The following ADAMTSL1 variants were observed in gnomAD, a reference collection of about 807,000 sequenced individuals.
ADAMTSL1 encodes the protein ADAMTS-like protein 1.
In ADAMTSL1, 126 loss-of-function variants were observed where a neutral mutation model predicts 201.8. The ratio of observed to expected loss-of-function variants is 0.62; its 90% CI spans 0.54 to 0.72. The LOEUF (loss-of-function observed/expected upper bound fraction) is 0.72, where lower values mean the gene tolerates loss of function less well. Ranked by LOEUF, ADAMTSL1 falls within the 30% of genes least tolerant of loss-of-function variation. The pLI is 0.00. For synonymous variants in ADAMTSL1, 1,121 were observed against 903.4 expected (o/e 1.24, Z -4.32); for missense variants, 2,679 against 2,277.8 (o/e 1.18, Z -3.59).
chr9:17,940,802 A>ACCCCCC (rs60278506), intron 1 of ADAMTSL1, among the ~76,000 whole-genome samples: 5 of 50,790 alleles, frequency 9.8e-5, no homozygotes, highest in African/African-American at 1.4e-4. Flanking sequence ...AGTAAATAAC[A>ACCCCCC]CCCCCCCCCC....
At chr9:17,946,822 C>T (rs1264226832) in intron 1 of ADAMTSL1, among the ~76,000 whole-genome samples, 2 of 152,050 alleles carry the variant, frequency 1.3e-5, no homozygotes, top group Admixed American at 1.3e-4. Context: ...TTGCAATTTG[C>T]TAAAAGCTTT....
intron 23 of ADAMTSL1, among the ~76,000 whole-genome samples, chr9:18,868,684 A>T (rs574700759): frequency 6.6e-6 from 1 of 152,316 alleles, no homozygotes; most frequent in African/African-American, 2.4e-5. Context: ...GCAGATTTTA[A>T]CCTGATGCAC....
chr9:18,804,037 G>C (rs924647739), intron 20 of ADAMTSL1, among the ~76,000 whole-genome samples: 1 of 152,156 alleles, frequency 6.6e-6, no homozygotes, highest in African/African-American at 2.4e-5. Flanking sequence ...AAGCAGAATA[G>C]GACTATGAAC....
At chr9:18,785,608 C>T (rs1217944973) in intron 19 of ADAMTSL1, among the ~76,000 whole-genome samples, 1 of 152,162 alleles carries the variant, frequency 6.6e-6, no homozygotes, top group Admixed American at 6.5e-5. Flanking sequence ...TTCAGTCATT[C>T]TATATAAACA....
intron 1 of ADAMTSL1, among the ~76,000 whole-genome samples, chr9:18,033,281 T>G (rs1465548166): frequency 2.0e-5 from 3 of 152,202 alleles, no homozygotes; most frequent in African/African-American, 4.8e-5. Flanking sequence ...AAGTCTGTCA[T>G]CTAATGGGTG....
chr9:18,116,486 T>C (rs906192467), intron 1 of ADAMTSL1, among the ~76,000 whole-genome samples: 1 of 152,160 alleles, frequency 6.6e-6, no homozygotes, highest in African/African-American at 2.4e-5. Context: ...TGCACACATA[T>C]TTGCCTGTCA....
chr9:18,000,152 T>A (rs1477212051), intron 1 of ADAMTSL1, among the ~76,000 whole-genome samples: 7 of 150,734 alleles, frequency 4.6e-5, no homozygotes, highest in Non-Finnish European at 8.9e-5. Flanking sequence ...ATGGTATTTC[T>A]AGTTCTAGAT....
chr9:18,120,527 G>C (rs1016184955), intron 1 of ADAMTSL1, among the ~76,000 whole-genome samples: 3 of 152,118 alleles, frequency 2.0e-5, no homozygotes, highest in African/African-American at 4.8e-5. Context: ...CCCTTTTTAT[G>C]AATTAGGCTG....
Position 18,588,868 on chromosome 9 carries a change from C to CAT in ADAMTSL1, c.474+14610_474+14611dup, listed in dbSNP as rs1554710706. On this transcript the variant is annotated intron_variant, in intron 4 of 28. Coordinates refer to ENST00000380548, the MANE Select transcript of ADAMTSL1 (RefSeq NM_001040272.6). The stretch of plus-strand genomic sequence containing the variant: ...TGTTGGGGTTACTATAGCTTTGTGC[C>CAT]ATATATATACATATACATATATATA... 8.8e-5 allele frequency among the ~76,000 whole-genome samples: 10 copies of CAT among 113,730 alleles called. No individual in the cohort carries two copies. The East Asian group carries it at 2.2e-3, about 25-fold the overall frequency. The allele number at this position is 113,730 out of a possible 152,430, so 74.6% of individuals were successfully genotyped here.
At chr9:18,576,811 G>A (rs574684861) in intron 4 of ADAMTSL1, among the ~76,000 whole-genome samples, 1 of 151,976 alleles carries the variant, frequency 6.6e-6, no homozygotes, top group Non-Finnish European at 1.5e-5. Context: ...AGTGACTACC[G>A]TATCTAGGTA....
chr9:18,845,905 G>A (rs1826075367), intron 23 of ADAMTSL1, among the ~76,000 whole-genome samples: 1 of 152,164 alleles, frequency 6.6e-6, no homozygotes, highest in South Asian at 2.1e-4. Flanking sequence ...CTCAAAGTAG[G>A]AGCGTATATG....
intron 1 of ADAMTSL1, among the ~76,000 whole-genome samples, chr9:18,105,186 C>T (rs1049609328): frequency 5.3e-5 from 8 of 152,208 alleles, no homozygotes; most frequent in Non-Finnish European, 8.8e-5. Context: ...GTAAAACAAG[C>T]GAACTGGAAT....
chr9:17,929,316 C>T (rs961495069), intron 1 of ADAMTSL1, among the ~76,000 whole-genome samples: 1 of 151,994 alleles, frequency 6.6e-6, no homozygotes, highest in South Asian at 2.1e-4. Flanking sequence ...TATCCTAATC[C>T]ACTCCCCCAC....
intron 19 of ADAMTSL1, chr9:18,793,286 A>G (rs2133830442): frequency 6.6e-6 from 1 of 152,390 alleles, no homozygotes; most frequent in South Asian, 2.1e-4. Context: ...TAGTAGGCCC[A>G]AGGCCAAAAG....
intron 2 of ADAMTSL1, among the ~76,000 whole-genome samples, chr9:18,338,422 T>G (rs1474387384): frequency 6.6e-6 from 1 of 152,030 alleles, no homozygotes; most frequent in African/African-American, 2.4e-5. Context: ...TCACACCTTA[T>G]GTAACTGATT....
At chr9:18,232,870 A>G (rs1830697020) in intron 2 of ADAMTSL1, among the ~76,000 whole-genome samples, 1 of 152,202 alleles carries the variant, frequency 6.6e-6, no homozygotes, top group Non-Finnish European at 1.5e-5. Context: ...TTTGATATTC[A>G]GCATATTAAT....
At chr9:17,933,967 C>T (rs1826902838) in intron 1 of ADAMTSL1, among the ~76,000 whole-genome samples, 1 of 152,132 alleles carries the variant, frequency 6.6e-6, no homozygotes, top group Non-Finnish European at 1.5e-5. Flanking sequence ...CAAATCACTT[C>T]TGTTTTAATA....
chr9:18,384,296 C>T (rs553539548), intron 2 of ADAMTSL1, among the ~76,000 whole-genome samples: 15 of 152,116 alleles, frequency 9.9e-5, no homozygotes, highest in African/African-American at 2.6e-4. Context: ...ACTTTTAAAC[C>T]GCCATATCTC....
At chr9:18,161,731 C>T (rs983005944) in intron 1 of ADAMTSL1, among the ~76,000 whole-genome samples, 1 of 152,010 alleles carries the variant, frequency 6.6e-6, no homozygotes, top group Non-Finnish European at 1.5e-5. Context: ...ATGGTCAAGA[C>T]AGGCTTTGGA....
Sources: gnomAD v4.1 joint callset for allele counts (sites outside exome capture counted in the v4.1 genomes callset) on GRCh38, gnomAD v4.1.1 for gene constraint, MANE v1.5 for transcripts, NCBI Gene and HGNC (gene_info 2026-07-23, HGNC 2026-07-21) for gene names.